Variants in CLNK observed in about 807,000 individuals in gnomAD.
CLNK encodes cytokine dependent hematopoietic cell linker.
CLNK carries 74 observed loss-of-function variants against 68.6 expected under a neutral mutation model. The ratio of observed to expected loss-of-function variants is 1.08; its 90% CI spans 0.89 to 1.31. The LOEUF is 1.31. Ranked by LOEUF, CLNK falls within the 50% of genes most tolerant of loss-of-function variation. The pLI, the probability that CLNK is intolerant of heterozygous loss-of-function variation, is 0.00. For missense variants in CLNK, 553 were observed against 515.3 expected, an observed-to-expected ratio of 1.07 and a Z score of -0.71; for synonymous variants, 198 against 172.2, an observed-to-expected ratio of 1.15 and a Z score of -1.17.
intron 8 of CLNK, among the ~76,000 whole-genome samples, chr4:10,542,613 G>A (rs1719076699): frequency 6.6e-6 from 1 of 151,134 alleles, no homozygotes; most frequent in Non-Finnish European, 1.5e-5. Context: ...ACGGATTCCT[G>A]TTTACGCTTA....
At chr4:10,643,325 C>T (rs1723381236) in intron 2 of CLNK, among the ~76,000 whole-genome samples, 1 of 152,252 alleles carries the variant, frequency 6.6e-6, no homozygotes, top group Non-Finnish European at 1.5e-5. Flanking sequence ...CAGAATGTCT[C>T]TTGGATGTCT....
At chr4:10,525,253 G>T (rs1029323498) in intron 14 of CLNK, among the ~76,000 whole-genome samples, 1 of 152,140 alleles carries the variant, frequency 6.6e-6, no homozygotes, top group African/African-American at 2.4e-5. Flanking sequence ...TTTTAGTAGA[G>T]ACGGGGTTTC....
chr4:10,592,925 C>T (rs1721230638), intron 3 of CLNK, among the ~76,000 whole-genome samples: 1 of 152,006 alleles, frequency 6.6e-6, no homozygotes, highest in South Asian at 2.1e-4. Flanking sequence ...TCAGGTTTTG[C>T]CATGTTGGCC....
the CLNK span, among the ~76,000 whole-genome samples, chr4:10,726,336 G>C: frequency 1.3e-4 from 20 of 152,274 alleles, no homozygotes; most frequent in Admixed American, 1.1e-3. Flanking sequence ...GGCCAGGATG[G>C]TCTCGATCTC....
chr4:10,612,592 G>A (rs903641567), intron 2 of CLNK, among the ~76,000 whole-genome samples: 5 of 152,190 alleles, frequency 3.3e-5, no homozygotes, highest in African/African-American at 7.2e-5. Flanking sequence ...TTTCCACTGC[G>A]TCATGCTGGG....
In CLNK at chr4:10,610,249, G is replaced by C. The variant is rs868359486; in HGVS notation, c.12-12200C>G. ...TTTTTTGTATTTTTAGTAGAGACGG[G>C]GTTTCACCGTGGTCTCGATCTCCTG... is the stretch of plus-strand genomic sequence containing the variant. On this transcript the variant is annotated intron_variant, in intron 2 of 18. Transcript: ENST00000226951. Among the ~76,000 whole-genome samples the C allele has an allele frequency of 7.7e-3, 1,157 of 149,490 alleles. 14 individuals carry two copies. The highest frequency in any genetic ancestry group is 0.027 in the African/African-American group (1,102 of 40,888).
chr4:10,620,835 G>A (rs1020356558), intron 2 of CLNK, among the ~76,000 whole-genome samples: 2 of 152,104 alleles, frequency 1.3e-5, no homozygotes, highest in Middle Eastern at 3.4e-3. Context: ...GGGCGCGGTG[G>A]CTCACACCTG....
the CLNK span, among the ~76,000 whole-genome samples, chr4:10,701,124 C>T: frequency 6.6e-6 from 1 of 152,200 alleles, no homozygotes; most frequent in Admixed American, 6.5e-5. Context: ...CACCATCCAA[C>T]CTTCCTAGCC....
intron 11 of CLNK, among the ~76,000 whole-genome samples, chr4:10,533,519 C>G (rs1041836573): frequency 2.0e-5 from 3 of 152,318 alleles, no homozygotes; most frequent in Admixed American, 6.5e-5. Context: ...ACACAGTACT[C>G]AGATGCTAGA....
chr4:10,532,384 C>A, intron 11 of CLNK, 101 bp from the exon 12 acceptor site: 1 of 899,154 alleles, frequency 1.1e-6, no homozygotes, highest in Non-Finnish European at 1.8e-6. Flanking sequence ...TTTTCATTGC[C>A]AAATTAACAG....
intron 2 of CLNK, among the ~76,000 whole-genome samples, chr4:10,617,052 G>A (rs1027301077): frequency 4.0e-5 from 6 of 151,898 alleles, no homozygotes; most frequent in Non-Finnish European, 8.8e-5. Context: ...TTTCAAGTGG[G>A]AACAGTATTA....
chr4:10,534,834 CA>C (rs1718679617), intron 11 of CLNK, among the ~76,000 whole-genome samples: 1 of 152,088 alleles, frequency 6.6e-6, no homozygotes, highest in Admixed American at 6.5e-5. Context: ...CCAATAGCAA[CA>C]ACTTGGAAAA....
intron 2 of CLNK, among the ~76,000 whole-genome samples, chr4:10,600,375 A>T (rs2108846882): frequency 6.6e-6 from 1 of 152,270 alleles, no homozygotes. Flanking sequence ...ACAAATAGTT[A>T]TTGGGTTTAT....
intron 2 of CLNK, among the ~76,000 whole-genome samples, chr4:10,633,586 C>T: frequency 6.6e-6 from 1 of 152,342 alleles, no homozygotes; most frequent in Non-Finnish European, 1.5e-5. Flanking sequence ...CCAGGAACAT[C>T]TGAGCCTAGA....
chr4:10,509,212 A>G (rs1043510397), intron 16 of CLNK, among the ~76,000 whole-genome samples: 3 of 151,936 alleles, frequency 2.0e-5, no homozygotes, highest in African/African-American at 7.3e-5. Context: ...TCTGTGGTCC[A>G]CTGGAAAGTA....
chr4:10,543,602 C>T (rs113738410), intron 8 of CLNK, among the ~76,000 whole-genome samples: 3 of 152,208 alleles, frequency 2.0e-5, no homozygotes, highest in African/African-American at 4.8e-5. Flanking sequence ...CCGCTCTCCA[C>T]TGCACCGCCT....
intron 15 of CLNK, among the ~76,000 whole-genome samples, chr4:10,520,091 C>A (rs1489727140): frequency 3.3e-5 from 5 of 151,474 alleles, no homozygotes; most frequent in South Asian, 2.1e-4. Flanking sequence ...TAGATGTCAA[C>A]ACAGAATCTT....
intron 18 of CLNK, 45 bp from the exon 19 acceptor site, chr4:10,490,658 G>T (rs1282677813): frequency 3.3e-6 from 5 of 1,495,050 alleles, no homozygotes; most frequent in African/African-American, 2.8e-5. Flanking sequence ...AATATCTTTT[G>T]TGTCTGTAGG....
At chr4:10,591,793 A>T (rs1411925709) in intron 3 of CLNK, among the ~76,000 whole-genome samples, 1 of 152,236 alleles carries the variant, frequency 6.6e-6, no homozygotes, top group Non-Finnish European at 1.5e-5. Flanking sequence ...ATTCACTCTG[A>T]GGTGGAATCA....
Sources: allele counts gnomAD v4.1 joint callset (sites outside exome capture counted in the v4.1 genomes callset), GRCh38; gene constraint gnomAD v4.1.1; transcripts MANE v1.5; gene names NCBI Gene and HGNC (gene_info 2026-07-23, HGNC 2026-07-21).